The following AP5M1 variants were observed in gnomAD, a reference collection of about 807,000 sequenced individuals.
AP5M1 encodes the protein adaptor related protein complex 5 subunit mu 1, also known as AP-5 complex subunit mu-1.
Under a neutral mutation model 52.3 loss-of-function variants are expected in AP5M1, and 44 were observed. That is an observed-to-expected ratio of 0.84 (90% CI 0.66 to 1.08). AP5M1 has a LOEUF of 1.08. Ranked by LOEUF, AP5M1 falls within the 50% of genes least tolerant of loss-of-function variation. The pLI is 0.00. For missense variants in AP5M1, 526 were observed against 568.4 expected (o/e 0.93, Z 0.76); for synonymous variants, 213 against 199.0 (o/e 1.07, Z -0.59).
At chr14:57,276,392 A>G (rs938701959) in intron 2 of AP5M1, among the ~76,000 whole-genome samples, 3 of 152,132 alleles carry the variant, frequency 2.0e-5, no homozygotes, top group Non-Finnish European at 4.4e-5. Flanking sequence ...CCTGGCCAAC[A>G]TGGCGAAACC....
chr14:57,283,195 G>A lies in AP5M1; in HGVS notation c.1258G>A (p.Asp420Asn), dbSNP rs138452215. Residue 420 changes from aspartate (D) to asparagine (N), a missense_variant, in exon 6 of 8, where the codon GAC (aspartate) becomes AAC (asparagine). Coordinates refer to ENST00000261558, the MANE Select transcript of AP5M1 (RefSeq NM_018229.4). ...CAAGAGCCATGAGAAGCAGCCATTT[G>A]ACCCAATTTGTACTGGAGAAACAGC... ...GAKSHEKQPF[D>N]PICTGETAYL... The A allele has an allele frequency of 9.9e-6, 16 of 1,613,308 alleles. No homozygotes were observed. The African/African-American group carries it at 2.0e-4, about 20-fold the overall frequency.
rs1409130506 is a variant in AP5M1, at chr14:57,296,906, T to A, written c.*8022T>A. ...ATATATTCTACCTCCTGCAGTGTAT[T>A]AGCATTGTAGCGTAGGAGACTATTT... On this transcript the variant is annotated 3_prime_UTR_variant, in exon 8 of 8. Transcript: ENST00000261558. 1 of 152,044 alleles carries A rather than the reference T, an allele frequency of 6.6e-6. No homozygotes were observed. The highest frequency in any genetic ancestry group is 2.4e-5 in the African/African-American group (1 of 41,438). The allele number at this position is 152,044 out of a possible 1,614,324, so 9.4% of individuals were successfully genotyped here. A position where few individuals can be genotyped will look rare whatever the true frequency, so the allele number is the denominator to read the frequency against.
rs76377456 is a variant in AP5M1, at chr14:57,294,881, T to C, written c.*5997T>C. ...AAATAATTTGAAAATTACACAAGATTTCTCTTTCTTGATCTTGTTGATGAT... is the reference window on the plus strand; with the variant it reads ...AAATAATTTGAAAATTACACAAGATCTCTCTTTCTTGATCTTGTTGATGAT... On this transcript the variant is annotated 3_prime_UTR_variant, in exon 8 of 8. Coordinates refer to ENST00000261558, the MANE Select transcript of AP5M1 (RefSeq NM_018229.4). 13 of 152,054 alleles carry C rather than the reference T, an allele frequency of 8.5e-5. No homozygotes were observed. In the East Asian group the frequency reaches 2.3e-3, roughly 27 times the overall value. The allele number at this position is 152,054 out of a possible 1,614,324, so 9.4% of individuals were successfully genotyped here.
At chr14:57,279,727 A>G (rs1373179526) in intron 2 of AP5M1, among the ~76,000 whole-genome samples, 2 of 152,222 alleles carry the variant, frequency 1.3e-5, no homozygotes, top group Non-Finnish European at 2.9e-5. Flanking sequence ...CAGTCAAACA[A>G]TGAAAGGCTT....
At chr14:57,281,525 C>T (rs573323305) in intron 3 of AP5M1, among the ~76,000 whole-genome samples, 1 of 152,372 alleles carries the variant, frequency 6.6e-6, no homozygotes, top group East Asian at 1.9e-4. Context: ...CTGTCTGTCA[C>T]ATCTCTGCTT....
At position 57,274,356 on chromosome 14, in the gene AP5M1, G is replaced by A; in HGVS notation, c.187G>A (p.Asp63Asn). 1 of 1,614,092 alleles carries A rather than the reference G, an allele frequency of 6.2e-7. No individual in the cohort carries two copies. Among genetic ancestry groups the A allele is most frequent in the Non-Finnish European group, 8.5e-7 (1 of 1,180,004 alleles). Reference protein sequence around the residue: ...KALLFELRLLDDDKDFVESRD... With the variant: ...KALLFELRLLNDDKDFVESRD... ...ACTGCTCTTTGAACTTAGATTATTG[G>A]ATGATGATAAAGACTTCGTTGAGAG... The change falls in exon 2 of 8, where the codon GAT (aspartate) becomes AAT (asparagine). Residue 63 changes from aspartate (D) to asparagine (N), a missense_variant. Coordinates refer to ENST00000261558, the MANE Select transcript of AP5M1 (RefSeq NM_018229.4).
Position 57,274,712 on chromosome 14 carries a change from A to G in AP5M1, c.543A>G (p.Leu181=). The G allele has an allele frequency of 6.2e-7, 1 of 1,614,210 alleles. No homozygotes were observed. The highest frequency in any genetic ancestry group is 8.5e-7 in the Non-Finnish European group (1 of 1,180,048). ...TLLDANLQNS[L]DNTNFASVTQ... ...TAGATGCCAACTTACAGAATTCATT[A>G]GATAATACCAATTTTGCATCTGTGA... Residue 181 remains leucine (L), a synonymous_variant, in exon 2 of 8, where the codon TTA becomes TTG. Coordinates refer to ENST00000261558, the MANE Select transcript of AP5M1 (RefSeq NM_018229.4).
intron 1 of AP5M1, among the ~76,000 whole-genome samples, chr14:57,273,995 A>T (rs1388649449): frequency 6.6e-6 from 1 of 152,220 alleles, no homozygotes; most frequent in South Asian, 2.1e-4. Context: ...CCTAAACTAG[A>T]TAACTAAATT....
intron 6 of AP5M1, among the ~76,000 whole-genome samples, chr14:57,284,976 G>A (rs146974803): frequency 3.9e-5 from 6 of 151,914 alleles, no homozygotes; most frequent in Admixed American, 3.3e-4. Context: ...ACAGGATTTA[G>A]GAATTAGCCA....
At chr14:57,271,437 A>C (rs1035735491) in intron 1 of AP5M1, 1 of 152,154 alleles carries the variant, frequency 6.6e-6, no homozygotes, top group African/African-American at 2.4e-5. Flanking sequence ...TTTCGTTTGC[A>C]TTTCTGTATG....
chr14:57,285,520 A>G (rs931527880), intron 6 of AP5M1, among the ~76,000 whole-genome samples: 5 of 152,142 alleles, frequency 3.3e-5, no homozygotes, highest in African/African-American at 9.7e-5. Flanking sequence ...ATTATCAGAG[A>G]TAATTTGGGT....
At chr14:57,287,861 T>A (rs1885344653) in intron 7 of AP5M1, among the ~76,000 whole-genome samples, 1 of 152,136 alleles carries the variant, frequency 6.6e-6, no homozygotes, top group African/African-American at 2.4e-5. Context: ...CTAAGTGTTT[T>A]ATGTGCATTG....
In AP5M1 at chr14:57,296,913, G is replaced by T. The variant is rs1885565274; in HGVS notation, c.*8029G>T. ...CTACCTCCTGCAGTGTATTAGCATT[G>T]TAGCGTAGGAGACTATTTCTGTATG... On this transcript the variant is annotated 3_prime_UTR_variant, in exon 8 of 8. Transcript: ENST00000261558. 6.6e-6 allele frequency: 1 copy of T among 152,004 alleles called. No homozygotes were observed. The highest frequency in any genetic ancestry group is 2.4e-5 in the African/African-American group (1 of 41,398). The allele number at this position is 152,004 out of a possible 1,614,324, so 9.4% of individuals were successfully genotyped here. A position where few individuals can be genotyped will look rare whatever the true frequency, so the allele number is the denominator to read the frequency against.
At chr14:57,279,450 G>A (rs766120659) in intron 2 of AP5M1, among the ~76,000 whole-genome samples, 1 of 152,164 alleles carries the variant, frequency 6.6e-6, no homozygotes, top group Non-Finnish European at 1.5e-5. Context: ...AACACCTCAT[G>A]TTGTCACTTA....
In AP5M1 at chr14:57,295,633, T is replaced by C. The variant is rs181938747; in HGVS notation, c.*6749T>C. 2 of 152,006 alleles carry C rather than the reference T, an allele frequency of 1.3e-5. No homozygotes were observed. Among genetic ancestry groups the C allele is most frequent in the Non-Finnish European group, 2.9e-5 (2 of 67,870 alleles). 9.4% of individuals were successfully genotyped at this position (152,006 alleles called of 1,614,324 possible). A position where few individuals can be genotyped will look rare whatever the true frequency, so the allele number is the denominator to read the frequency against. On this transcript the variant is annotated 3_prime_UTR_variant, in exon 8 of 8. Coordinates refer to ENST00000261558, the MANE Select transcript of AP5M1 (RefSeq NM_018229.4). ...AACTTTTAACATAGTATTTCTCAAC[T>C]ATGTTACTTCAAAATGTTTAAGTGC...
chr14:57,277,084 A>G (rs996862589), intron 2 of AP5M1, among the ~76,000 whole-genome samples: 5 of 151,510 alleles, frequency 3.3e-5, no homozygotes, highest in African/African-American at 1.2e-4. Context: ...AAAGTTACAC[A>G]ATTTTGTGAA....
At chr14:57,277,797 TTTA>T (rs1885076925) in intron 2 of AP5M1, among the ~76,000 whole-genome samples, 1 of 145,000 alleles carries the variant, frequency 6.9e-6, no homozygotes, top group African/African-American at 2.8e-5. Context: ...GCAAACATTT[TTTA>T]TTATTGTTTT....
At chr14:57,272,147 A>G (rs1884909567) in intron 1 of AP5M1, among the ~76,000 whole-genome samples, 1 of 152,232 alleles carries the variant, frequency 6.6e-6, no homozygotes, top group Non-Finnish European at 1.5e-5. Flanking sequence ...CAGAATAAAA[A>G]GTCAGATATG....
At position 57,288,960 on chromosome 14, in the gene AP5M1, T is replaced by G; in HGVS notation, c.*76T>G. 2.3e-6 allele frequency: 2 copies of G among 868,654 alleles called. No homozygotes were observed. The highest frequency in any genetic ancestry group is 1.6e-5 in the South Asian group (1 of 62,430). 53.8% of individuals were successfully genotyped at this position (868,654 alleles called of 1,614,324 possible). Reference sequence around the variant, plus strand: ...CATAATCTTATATTTTTAATGTGGATGCATATAACCTGTGAGTGAAAAATC... The same window carrying G: ...CATAATCTTATATTTTTAATGTGGAGGCATATAACCTGTGAGTGAAAAATC... On this transcript the variant is annotated 3_prime_UTR_variant, in exon 8 of 8. Coordinates refer to ENST00000261558, the MANE Select transcript of AP5M1 (RefSeq NM_018229.4).
Sources: gnomAD v4.1 joint callset for allele counts (sites outside exome capture counted in the v4.1 genomes callset) on GRCh38, gnomAD v4.1.1 for gene constraint, MANE v1.5 for transcripts, NCBI Gene and HGNC (gene_info 2026-07-23, HGNC 2026-07-21) for gene names.